CLIP2: variants seen among roughly 807,000 people sequenced by gnomAD.
The protein encoded by CLIP2 is CAP-Gly domain containing linker protein 2.
A neutral mutation model predicts 111.7 loss-of-function variants in CLIP2; 41 were observed. The observed-to-expected ratio is 0.37, with a 90% CI of 0.29 to 0.48. The LOEUF is 0.48. Ranked by LOEUF, CLIP2 falls within the 20% of genes least tolerant of loss-of-function variation. The pLI is 0.99. For synonymous variants in CLIP2, 660 were observed against 644.2 expected, an observed-to-expected ratio of 1.02 and a Z score of -0.37; for missense variants, 1,160 against 1,422.1, an observed-to-expected ratio of 0.82 and a Z score of 2.96.
chr7:74,365,964 C>G (rs1269461707), intron 8 of CLIP2, among the ~76,000 whole-genome samples: 2 of 151,934 alleles, frequency 1.3e-5, no homozygotes, highest in African/African-American at 4.8e-5. Context: ...ACTATGTTGC[C>G]CAGGCAGGGT....
rs1584397603 is a variant in CLIP2, at chr7:74,401,109, G to A, written c.3067-396G>A. 2.0e-5 allele frequency among the ~76,000 whole-genome samples: 3 copies of A among 152,104 alleles called. No homozygotes were observed. The East Asian group carries it at 5.8e-4, about 29-fold the overall frequency. On this transcript the variant is annotated intron_variant, in intron 15 of 16. Transcript: ENST00000223398. ...TGTCCCGGAACCCTGGTCTGAAGGG[G>A]GAGGCAGCTCTGTCCCGGGAACCCT...
chr7:74,387,913 G>A (rs1333701860), intron 12 of CLIP2, among the ~76,000 whole-genome samples: 2 of 152,148 alleles, frequency 1.3e-5, no homozygotes, highest in Non-Finnish European at 1.5e-5. Context: ...TGGAGGCCGT[G>A]AGCGATGCTC....
rs529343359 is a variant in CLIP2, at chr7:74,330,620, C to T, written c.122-7828C>T. Among the ~76,000 whole-genome samples the T allele has an allele frequency of 5.9e-5, 9 of 152,192 alleles. No individual in the cohort carries two copies. The South Asian group carries it at 1.9e-3, about 32-fold the overall frequency. ...TCCTCTTCCCCTACCCCCAGGCCAC[C>T]ATGCCCTGTGCTGGATGTCGGGATG... On this transcript the variant is annotated intron_variant, in intron 2 of 16. Coordinates refer to ENST00000223398, the MANE Select transcript of CLIP2 (RefSeq NM_003388.5).
chr7:74,349,866 C>T (rs889221819), intron 3 of CLIP2, among the ~76,000 whole-genome samples: 2 of 151,670 alleles, frequency 1.3e-5, no homozygotes, highest in Non-Finnish European at 2.9e-5. Context: ...CCACCTGCGT[C>T]GGCCTCCCAA....
chr7:74,299,305 A>G (rs1198373387), intron 1 of CLIP2, among the ~76,000 whole-genome samples: 2 of 151,696 alleles, frequency 1.3e-5, no homozygotes, highest in Non-Finnish European at 2.9e-5. Flanking sequence ...AGCCTGGGCA[A>G]CACAGCAAGA....
chr7:74,305,861 C>A (rs1344172305), intron 1 of CLIP2, among the ~76,000 whole-genome samples: 6 of 113,972 alleles, frequency 5.3e-5, no homozygotes, highest in Non-Finnish European at 1.0e-4. Context: ...CCCAACCCCC[C>A]CCCACCGCCC....
At chr7:74,363,484 G>A (rs1461632110) in intron 7 of CLIP2, among the ~76,000 whole-genome samples, 3 of 152,210 alleles carry the variant, frequency 2.0e-5, no homozygotes, top group African/African-American at 7.2e-5. Flanking sequence ...TTTGAGGCCT[G>A]TGATGAGAAC....
chr7:74,349,466 GTGTGTATATATA>G lies in CLIP2; in HGVS notation c.679-4412_679-4401del, dbSNP rs1334489741. ...AAAAAAAGTATGTATGTGTGTGTGT[GTGTGTATATATA>G]TATATATATATATATATATATATAT... On this transcript the variant is annotated intron_variant, in intron 3 of 16. Transcript: ENST00000223398. Among the ~76,000 whole-genome samples, 265 of 77,468 alleles carry G rather than the reference GTGTGTATATATA, an allele frequency of 3.4e-3. 2 individuals carry two copies. Among genetic ancestry groups the G allele is most frequent in the African/African-American group, 0.012 (245 of 21,014 alleles). The allele number at this position is 77,468 out of a possible 152,430, so 50.8% of individuals were successfully genotyped here. A position where few individuals can be genotyped will look rare whatever the true frequency, so the allele number is the denominator to read the frequency against.
Position 74,404,371 on chromosome 7 carries a change from T to A in CLIP2, c.*523T>A. 6.3e-6 allele frequency: 1 copy of A among 158,984 alleles called. No homozygotes were observed. The highest frequency in any genetic ancestry group is 1.4e-5 in the Non-Finnish European group (1 of 71,726). 9.8% of individuals were successfully genotyped at this position (158,984 alleles called of 1,614,324 possible). On this transcript the variant is annotated 3_prime_UTR_variant, in exon 17 of 17. Transcript: ENST00000223398. ...TCCAGGCCAAGGCAGTCGCCAGGGC[T>A]TCTTGTCCCCACCTTCTGAACCTTC... is the stretch of plus-strand genomic sequence containing the variant.
intron 15 of CLIP2, 73 bp downstream of exon 15, chr7:74,400,628 G>A (rs551909201): frequency 2.7e-5 from 38 of 1,396,374 alleles, no homozygotes; most frequent in Non-Finnish European, 3.2e-5. Context: ...CGTCTGATGC[G>A]GGAGGCAGCC....
chr7:74,304,523 C>T (rs1366042190), intron 1 of CLIP2, among the ~76,000 whole-genome samples: 1 of 121,304 alleles, frequency 8.2e-6, no homozygotes, highest in Non-Finnish European at 1.8e-5. Flanking sequence ...GAGACTCTGA[C>T]AAAAAAACCT....
chr7:74,361,472 C>T (rs1018186477), intron 7 of CLIP2, among the ~76,000 whole-genome samples: 9 of 151,978 alleles, frequency 5.9e-5, no homozygotes, highest in Non-Finnish European at 1.3e-4. Context: ...CTGCCTCAGC[C>T]TCCCAAAGTG....
chr7:74,297,627 A>C (rs1679886895), intron 1 of CLIP2, among the ~76,000 whole-genome samples: 1 of 152,002 alleles, frequency 6.6e-6, no homozygotes, highest in Non-Finnish European at 1.5e-5. Context: ...GGAACACTCC[A>C]TGCCTTGCGT....
chr7:74,338,738 A>G lies in CLIP2; in HGVS notation c.412A>G (p.Ile138Val). 1.3e-6 allele frequency: 2 copies of G among 1,598,250 alleles called. No homozygotes were observed. The highest frequency in any genetic ancestry group is 1.7e-6 in the Non-Finnish European group (2 of 1,174,936). The change falls in exon 3 of 17, where the codon ATC becomes GTC. Residue 138 changes from isoleucine to valine, a missense_variant. Physicochemically the swap from Ile to Val is conservative, Grantham distance 29 (BLOSUM62 3). Transcript: ENST00000223398. The surrounding 1 kb of genome is among the most constrained non-coding windows in gnomAD (Gnocchi z 4.3). ...RYFECPALQG[I>V]FTRPSKLTRQ... ...CTTCGAGTGCCCGGCCCTCCAGGGT[A>G]TCTTCACGCGGCCCTCCAAGCTGAC... is the stretch of plus-strand genomic sequence containing the variant.
Position 74,386,287 on chromosome 7 carries a change from G to A in CLIP2, c.2480-234G>A, listed in dbSNP as rs186382076. ...CCCCCTGACCTCAGGTGATCCGCCG[G>A]CCTCGGCCTCCCAAAGTGCTGGGAT... On this transcript the variant is annotated intron_variant, in intron 11 of 16. Coordinates refer to ENST00000223398, the MANE Select transcript of CLIP2 (RefSeq NM_003388.5). 566 of 358,214 alleles carry A rather than the reference G, an allele frequency of 1.6e-3. 1 individual carries two copies. The highest frequency in any genetic ancestry group is 4.4e-3 in the Admixed American group (81 of 18,538). 22.2% of individuals were successfully genotyped at this position (358,214 alleles called of 1,614,324 possible).
At chr7:74,377,946 C>A (rs1311367000) in intron 10 of CLIP2, among the ~76,000 whole-genome samples, 1 of 151,896 alleles carries the variant, frequency 6.6e-6, no homozygotes, top group Non-Finnish European at 1.5e-5. Flanking sequence ...CTGTATCAGC[C>A]TCCCAAGTAG....
At chr7:74,386,164 C>T (rs1387692198) in intron 11 of CLIP2, among the ~76,000 whole-genome samples, 1 of 151,920 alleles carries the variant, frequency 6.6e-6, no homozygotes, top group Non-Finnish European at 1.5e-5. Context: ...TCTCCTGCCT[C>T]AGCCTCCCGA....
At chr7:74,332,027 G>C (rs1485285573) in intron 2 of CLIP2, among the ~76,000 whole-genome samples, 1 of 152,114 alleles carries the variant, frequency 6.6e-6, no homozygotes, top group Non-Finnish European at 1.5e-5. Context: ...GCACCATGTA[G>C]ATCGGGGTCC....
intron 1 of CLIP2, among the ~76,000 whole-genome samples, chr7:74,306,658 G>A (rs914429196): frequency 4.6e-5 from 7 of 152,146 alleles, no homozygotes; most frequent in Non-Finnish European, 7.4e-5. Context: ...AAACGGCATC[G>A]GAGGGTGGCA....
Sources: allele counts gnomAD v4.1 joint callset (sites outside exome capture counted in the v4.1 genomes callset), GRCh38; gene constraint gnomAD v4.1.1; non-coding constraint Gnocchi (gnomAD v3.1); transcripts MANE v1.5; gene names NCBI Gene and HGNC (gene_info 2026-07-23, HGNC 2026-07-21).